Variants in NARF observed in about 807,000 individuals in gnomAD.
The protein encoded by NARF is nuclear prelamin A recognition factor.
A neutral mutation model predicts 48.0 loss-of-function variants in NARF; 41 were observed. The observed-to-expected ratio is 0.85, with a 90% CI of 0.66 to 1.11. The LOEUF is 1.11. NARF is among the 50% of genes least tolerant of loss of function. NARF has a pLI of 0.00. For synonymous variants in NARF, 215 were observed against 225.5 expected (o/e 0.95, Z 0.42); for missense variants, 613 against 590.2 (o/e 1.04, Z -0.40).
At chr17:82,476,518 C>T (rs2043835661) in intron 5 of NARF, 1 of 152,796 alleles carries the variant, frequency 6.5e-6, no homozygotes, top group East Asian at 1.9e-4. Context: ...GTGGCGTGAT[C>T]TCGGCTCCTC....
intron 2 of NARF, chr17:82,460,939 A>G (rs2043422012): frequency 6.6e-6 from 1 of 151,406 alleles, no homozygotes; most frequent in African/African-American, 2.5e-5. Context: ...CTTTTGAGAC[A>G]GGGTCTCACT....
intron 6 of NARF, 104 bp from the exon 7 acceptor site, chr17:82,480,978 G>T: frequency 7.4e-7 from 1 of 1,355,660 alleles, no homozygotes; most frequent in South Asian, 1.2e-5. Context: ...CTGGAGGGCA[G>T]CAGCAGGGGG....
intron 2 of NARF, 163 bp from the exon 3 acceptor site, chr17:82,464,124 G>A: frequency 1.2e-6 from 1 of 840,524 alleles, no homozygotes. Flanking sequence ...GAGCTGCTCA[G>A]TGGCAGAGAC....
At chr17:82,481,316 C>T in intron 7 of NARF, 105 bp downstream of exon 7, 1 of 1,517,458 alleles carries the variant, frequency 6.6e-7, no homozygotes, top group Non-Finnish European at 8.9e-7. Context: ...TCAGTGCCTG[C>T]CAATGTGGTC....
intron 2 of NARF, 76 bp from the exon 3 acceptor site, chr17:82,464,211 T>G (rs2043506022): frequency 1.3e-6 from 2 of 1,536,106 alleles, no homozygotes; most frequent in East Asian, 2.3e-5. Context: ...ATTCTGTATA[T>G]GGGTGTTACC....
chr17:82,459,086 CG>C (rs2043361999), intron 1 of NARF: 1 of 1,194,542 alleles, frequency 8.4e-7, no homozygotes, highest in Non-Finnish European at 1.0e-6. Flanking sequence ...CGGAAACGCA[CG>C]GAGACCGAGC....
intron 2 of NARF, 117 bp from the exon 3 acceptor site, chr17:82,464,170 A>G (rs1567929094): frequency 1.5e-6 from 2 of 1,352,510 alleles, no homozygotes; most frequent in East Asian, 4.6e-5. Flanking sequence ...CCAGGCCTGG[A>G]CCCTGGTATT....
chr17:82,484,055 T>G lies in NARF; in HGVS notation c.833+276T>G, dbSNP rs540241066. 10 of 420,208 alleles carry G rather than the reference T, an allele frequency of 2.4e-5. No individual in the cohort carries two copies. In the South Asian group the frequency reaches 2.8e-4, roughly 12 times the overall value. The allele number at this position is 420,208 out of a possible 1,614,324, so 26.0% of individuals were successfully genotyped here. On this transcript the variant is annotated intron_variant, in intron 8 of 10. Coordinates refer to ENST00000309794, the MANE Select transcript of NARF (RefSeq NM_012336.4). ...AGGAAGGACAAAATGCACAAACAGC[T>G]TTGTCCTCGCTGGCGCAGGGCTGTT...
rs58302009 is a variant in NARF at position 82,471,791 on chromosome 17, CAAAA to C, written c.386-760_386-757del. Reference sequence around the variant, plus strand: ...TGCGCGAAAGAGTGAGACTCCGTCTCAAAAAAAAAAAAAAAAGTATGCCCAGCCA... The same window carrying C: ...TGCGCGAAAGAGTGAGACTCCGTCTCAAAAAAAAAAAAGTATGCCCAGCCA... On this transcript the variant is annotated intron_variant, in intron 4 of 10. Transcript: ENST00000309794. Among the ~76,000 whole-genome samples the C allele has an allele frequency of 1.7e-4, 11 of 64,604 alleles. 1 individual carries two copies. In the East Asian group the frequency reaches 0.011, roughly 62 times the overall value. 42.4% of individuals were successfully genotyped at this position (64,604 alleles called of 152,430 possible). A position where few individuals can be genotyped will look rare whatever the true frequency, so the allele number is the denominator to read the frequency against.
At chr17:82,485,018 A>G in intron 9 of NARF, 68 bp downstream of exon 9, 1 of 1,497,978 alleles carries the variant, frequency 6.7e-7, no homozygotes, top group Admixed American at 2.3e-5. Context: ...GCCTGTATGG[A>G]TCTGTGCATG....
At chr17:82,460,959 G>A (rs1027657640) in intron 2 of NARF, 2 of 152,160 alleles carry the variant, frequency 1.3e-5, no homozygotes, top group Non-Finnish European at 2.9e-5. Context: ...TGTCACCCAG[G>A]CTGGAGTGCA....
At chr17:82,484,761 G>A in intron 8 of NARF, 52 bp from the exon 9 acceptor site, 2 of 1,518,074 alleles carry the variant, frequency 1.3e-6, no homozygotes, top group Non-Finnish European at 1.8e-6. Context: ...CACTCTTTCT[G>A]TCACTGTACG....
At chr17:82,485,433 G>C in intron 9 of NARF, 64 bp from the exon 10 acceptor site, 1 of 1,540,020 alleles carries the variant, frequency 6.5e-7, no homozygotes, top group Non-Finnish European at 8.8e-7. Flanking sequence ...AAAAAAAAAG[G>C]AAGTGTTCTT....
chr17:82,484,971 C>T, intron 9 of NARF, 21 bp downstream of exon 9: 1 of 1,577,934 alleles, frequency 6.3e-7, no homozygotes, highest in East Asian at 2.3e-5. Flanking sequence ...GTATCCACAG[C>T]CTGTCTGTGC....
At position 82,487,687 on chromosome 17, in the gene NARF, G is replaced by A. The variant is rs751480879; in HGVS notation, c.1130-229G>A. Among the ~76,000 whole-genome samples, 3 of 152,130 alleles carry A rather than the reference G, an allele frequency of 2.0e-5. No homozygotes were observed. The South Asian group carries it at 6.2e-4, about 32-fold the overall frequency. The stretch of plus-strand genomic sequence containing the variant: ...CCTTAAGACTATCCCGGCTGGGTGC[G>A]GTGGCTCACGCCAGTGGTCCCAGCT... On this transcript the variant is annotated intron_variant, in intron 10 of 10. Coordinates refer to ENST00000309794, the MANE Select transcript of NARF (RefSeq NM_012336.4).
chr17:82,473,974 A>G (rs1375368602), intron 5 of NARF, among the ~76,000 whole-genome samples: 1 of 152,004 alleles, frequency 6.6e-6, no homozygotes, highest in Admixed American at 6.6e-5. Context: ...GCTTTAGCCC[A>G]GGAGTGTGGG....
chr17:82,473,223 G>C (rs2043755596), intron 5 of NARF, among the ~76,000 whole-genome samples: 1 of 151,808 alleles, frequency 6.6e-6, no homozygotes, highest in African/African-American at 2.4e-5. Context: ...TTACAGGCGT[G>C]AGCCACTGTG....
Position 82,481,014 on chromosome 17 carries a change from C to G in NARF, c.640-68C>G, listed in dbSNP as rs151117894. 9.4e-3 allele frequency: 15,035 copies of G among 1,594,624 alleles called. 110 individuals carry two copies. Among genetic ancestry groups the G allele is most frequent in the Middle Eastern group, 0.015 (89 of 5,894 alleles). ...CATTCGGTCTCCCATCCCTCTTGTTCTGGGCACCAAGCGTAAGCTGCCGTC... is the reference window on the plus strand; with the variant it reads ...CATTCGGTCTCCCATCCCTCTTGTTGTGGGCACCAAGCGTAAGCTGCCGTC... On this transcript the variant is annotated intron_variant, in intron 6 of 10. Coordinates refer to ENST00000309794, the MANE Select transcript of NARF (RefSeq NM_012336.4).
chr17:82,474,960 C>T (rs1012210129), intron 5 of NARF, among the ~76,000 whole-genome samples: 2 of 152,146 alleles, frequency 1.3e-5, no homozygotes, highest in South Asian at 2.1e-4. Flanking sequence ...AGCCATTTGA[C>T]GCCAGATACA....
Sources: allele counts gnomAD v4.1 joint callset (sites outside exome capture counted in the v4.1 genomes callset), GRCh38; gene constraint gnomAD v4.1.1; transcripts MANE v1.5; gene names NCBI Gene and HGNC (gene_info 2026-07-23, HGNC 2026-07-21).